FRMPD4: variants seen among roughly 807,000 people sequenced by gnomAD.
FRMPD4 encodes FERM and PDZ domain-containing protein 4.
Under a neutral mutation model 94.1 loss-of-function variants are expected in FRMPD4, and 22 were observed. That is an observed-to-expected ratio of 0.23 (90% confidence interval 0.17 to 0.33). The LOEUF (loss-of-function observed/expected upper bound fraction) is 0.33. Among genes scored for constraint, FRMPD4 ranks in the 10% least tolerant of loss-of-function variants. The pLI is 1.00. For missense variants in FRMPD4, 1,111 were observed against 1,339.9 expected, an observed-to-expected ratio of 0.83 and a Z score of 2.67; for synonymous variants, 631 against 548.6, an observed-to-expected ratio of 1.15 and a Z score of -2.10.
chrX:12,093,040 A>G (rs2055168224), intron 3 of FRMPD4, among the ~76,000 whole-genome samples: 1 of 111,159 alleles, frequency 9.0e-6, no homozygotes, highest in South Asian at 3.8e-4. Context: ...AAGGGCATAG[A>G]CCTTGAGGTT....
intron 3 of FRMPD4, among the ~76,000 whole-genome samples, chrX:11,890,702 T>C (rs1481159444): frequency 8.9e-6 from 1 of 112,797 alleles, no homozygotes; most frequent in East Asian, 2.8e-4. Context: ...CACTTGTACA[T>C]GGAGAAGCTG....
chrX:12,462,345 C>G (rs1452523623), intron 1 of FRMPD4, among the ~76,000 whole-genome samples: 1 of 112,053 alleles, frequency 8.9e-6, no homozygotes, highest in African/African-American at 3.2e-5. Flanking sequence ...CACTGACCGT[C>G]AAATTTGAAC....
At chrX:11,956,371 A>T (rs1305436145) in intron 3 of FRMPD4, among the ~76,000 whole-genome samples, 2 of 111,581 alleles carry the variant, frequency 1.8e-5, no homozygotes, top group Non-Finnish European at 3.8e-5. Context: ...AATAAATTCA[A>T]TTAAAGATGT....
chrX:12,296,019 G>A (rs1051022398), intron 1 of FRMPD4, among the ~76,000 whole-genome samples: 1 of 110,771 alleles, frequency 9.0e-6, no homozygotes, highest in African/African-American at 3.3e-5. Context: ...TTGGAGTGGG[G>A]GGTGATGTAG....
At chrX:11,896,239 T>C (rs1377321268) in intron 3 of FRMPD4, among the ~76,000 whole-genome samples, 1 of 112,627 alleles carries the variant, frequency 8.9e-6, no homozygotes, top group Non-Finnish European at 1.9e-5. Context: ...ATGACTCGTT[T>C]TCACCTGCAG....
At chrX:12,176,687 T>C (rs765728536) in intron 1 of FRMPD4, among the ~76,000 whole-genome samples, 5 of 112,570 alleles carry the variant, frequency 4.4e-5, no homozygotes, top group Non-Finnish European at 7.5e-5. Flanking sequence ...TAATGTGTTA[T>C]CTAAACTTGA....
At chrX:12,425,171 G>A (rs1447226757) in intron 1 of FRMPD4, among the ~76,000 whole-genome samples, 1 of 111,960 alleles carries the variant, frequency 8.9e-6, no homozygotes, top group Non-Finnish European at 1.9e-5. Flanking sequence ...TTTTTTCTGT[G>A]CCTTTATTTT....
chrX:12,427,039 A>C (rs1166300352), intron 1 of FRMPD4, among the ~76,000 whole-genome samples: 12 of 111,653 alleles, frequency 1.1e-4, no homozygotes, highest in South Asian at 3.8e-4. Flanking sequence ...AAATTGATAT[A>C]TGTGAAGTGC....
intron 3 of FRMPD4, among the ~76,000 whole-genome samples, chrX:12,106,845 TG>T (rs1360986316): frequency 8.9e-6 from 1 of 111,735 alleles, no homozygotes. Flanking sequence ...GCAGCGAGGC[TG>T]GGGGAGGGGC....
chrX:12,439,719 G>A (rs2057113288), intron 1 of FRMPD4, among the ~76,000 whole-genome samples: 1 of 111,877 alleles, frequency 8.9e-6, no homozygotes, highest in Admixed American at 9.5e-5. Flanking sequence ...TTGTATGAGG[G>A]GCAGGAGAAG....
intron 1 of FRMPD4, among the ~76,000 whole-genome samples, chrX:11,828,034 C>T (rs555932261): frequency 1.2e-4 from 13 of 111,434 alleles, no homozygotes; most frequent in African/African-American, 3.6e-4. Flanking sequence ...TTTTTATTCT[C>T]AAACATGAAG....
At chrX:12,618,369 C>T (rs1015181947) in intron 4 of FRMPD4, among the ~76,000 whole-genome samples, 2 of 111,481 alleles carry the variant, frequency 1.8e-5, no homozygotes, top group African/African-American at 3.3e-5. Flanking sequence ...TGTATAGATA[C>T]GTAGGCATGA....
chrX:12,338,662 G>C (rs894496922), intron 1 of FRMPD4, among the ~76,000 whole-genome samples: 2 of 112,724 alleles, frequency 1.8e-5, no homozygotes, highest in Non-Finnish European at 3.7e-5. Flanking sequence ...TAGAAGGGAA[G>C]ACACAGCTGT....
chrX:12,602,075 G>A (rs1041144210), intron 2 of FRMPD4, among the ~76,000 whole-genome samples: 6 of 111,430 alleles, frequency 5.4e-5, no homozygotes, highest in African/African-American at 1.3e-4. Context: ...AGAACAAAGC[G>A]AAAAAATATA....
Position 12,694,364 on chromosome X carries a change from G to A in FRMPD4, c.843G>A (p.Met281Ile). Reference sequence around the variant, plus strand: ...CACAGAGGCCCAGCTCCCATAAGATGAGATGTCTTTTCCGAATTAGCTTCG... The same window carrying A: ...CACAGAGGCCCAGCTCCCATAAGATAAGATGTCTTTTCCGAATTAGCTTCG... ...QVTQRPSSHK[M>I]RCLFRISFVP... Residue 281 changes from methionine to isoleucine, a missense_variant, in exon 9 of 17, where the codon ATG becomes ATA. Physicochemically the swap from Met to Ile is conservative, Grantham distance 10. Coordinates refer to ENST00000675598, the MANE Select transcript of FRMPD4 (RefSeq NM_001368397.1). 8.4e-7 allele frequency: 1 copy of A among 1,195,612 alleles called. No homozygotes were observed. The highest frequency in any genetic ancestry group is 1.1e-6 in the Non-Finnish European group (1 of 880,791).
At chrX:11,904,843 A>T (rs1479422528) in intron 3 of FRMPD4, among the ~76,000 whole-genome samples, 1 of 112,638 alleles carries the variant, frequency 8.9e-6, no homozygotes, top group African/African-American at 3.2e-5. Context: ...AGTATTATTG[A>T]CATGTAGGAA....
intron 3 of FRMPD4, among the ~76,000 whole-genome samples, chrX:12,063,615 C>CAGT (rs760200395): frequency 7.1e-5 from 8 of 112,188 alleles, no homozygotes; most frequent in African/African-American, 2.6e-4. Context: ...TATCCAGGTG[C>CAGT]AGTGGCACAT....
chrX:12,717,217 G>A (rs958962957), intron 15 of FRMPD4, 84 bp downstream of exon 15: 20 of 601,306 alleles, frequency 3.3e-5, no homozygotes, highest in African/African-American at 9.1e-5. Context: ...GTCCTGTTAC[G>A]TGGTGTTCTC....
chrX:12,549,379 C>T (rs1390261246), intron 2 of FRMPD4, among the ~76,000 whole-genome samples: 1 of 112,215 alleles, frequency 8.9e-6, no homozygotes. Context: ...TGTGCACACT[C>T]AAATATTCTC....
Sources: gnomAD v4.1 joint callset for allele counts (sites outside exome capture counted in the v4.1 genomes callset) on GRCh38, gnomAD v4.1.1 for gene constraint, MANE v1.5 for transcripts, NCBI Gene and HGNC (gene_info 2026-07-23, HGNC 2026-07-21) for gene names.